Variants in SLF1 observed in about 807,000 individuals in gnomAD.
SLF1 encodes the protein SMC5/6 complex localization factor 1.
Under a neutral mutation model 123.0 loss-of-function variants are expected in SLF1, and 105 were observed. That is an observed-to-expected ratio of 0.85 (90% confidence interval 0.73 to 1.00). The LOEUF (loss-of-function observed/expected upper bound fraction) is 1.00, where lower values mean the gene tolerates loss of function less well. SLF1 is among the 50% of genes least tolerant of loss of function. SLF1 has a pLI of 0.00. For missense variants in SLF1, 1,239 were observed against 1,223.0 expected (o/e 1.01, Z -0.20); for synonymous variants, 434 against 406.6 (o/e 1.07, Z -0.81).
intron 5 of SLF1, among the ~76,000 whole-genome samples, chr5:94,647,639 C>A (rs1210911064): frequency 6.6e-6 from 1 of 152,128 alleles, no homozygotes; most frequent in East Asian, 1.9e-4. Flanking sequence ...AACACCTAAC[C>A]CATTGCCTAG....
At position 94,630,516 on chromosome 5, in the gene SLF1, A is replaced by G. The variant is rs1745088079; in HGVS notation, c.204A>G (p.Leu68=). 2 of 1,550,434 alleles carry G rather than the reference A, an allele frequency of 1.3e-6. No homozygotes were observed. Residue 68 remains leucine, a synonymous_variant, in exon 4 of 21, where the codon CTA becomes CTG. Coordinates refer to ENST00000265140, the MANE Select transcript of SLF1 (RefSeq NM_032290.4). ...TTTGCTTTCTAGGAAAGTGGATACT[A>G]ACCAAGGACTATATAATTCATAGTG... The part of the protein sequence containing the change: ...LAACAAGKWI[L]TKDYIIHSAK...
At chr5:94,693,533 T>C (rs1753258243) in intron 20 of SLF1, among the ~76,000 whole-genome samples, 1 of 151,964 alleles carries the variant, frequency 6.6e-6, no homozygotes, top group African/African-American at 2.4e-5. Context: ...GAAATCTAAT[T>C]GTTTTTGTTT....
intron 12 of SLF1, among the ~76,000 whole-genome samples, chr5:94,668,583 G>A (rs60812609): frequency 0.016 from 2,477 of 152,066 alleles, 70 homozygotes; most frequent in African/African-American, 0.055. Context: ...TGATCCACCC[G>A]CCTCCACTTC....
chr5:94,630,368 A>T (rs1585105062), intron 3 of SLF1, 135 bp from the exon 4 acceptor site: 1 of 1,023,514 alleles, frequency 9.8e-7, no homozygotes, highest in Non-Finnish European at 1.4e-6. Flanking sequence ...CAAAATGCAT[A>T]GTTCAAAGAT....
At position 94,686,541 on chromosome 5, in the gene SLF1, A is replaced by G. The variant is rs776994565; in HGVS notation, c.1976-32A>G. On this transcript the variant is annotated intron_variant, in intron 15 of 20. Transcript: ENST00000265140. ...GGAAAAAATTGTATAGGATACAGCA[A>G]TAACTATATTAACTTACCTTATGTT... The G allele has an allele frequency of 1.2e-5, 20 of 1,608,680 alleles. 1 individual carries two copies. In the Middle Eastern group the frequency reaches 9.9e-4, roughly 80 times the overall value.
intron 14 of SLF1, among the ~76,000 whole-genome samples, chr5:94,674,157 C>T (rs947524103): frequency 1.3e-5 from 2 of 151,880 alleles, no homozygotes; most frequent in Non-Finnish European, 2.9e-5. Context: ...CATTATAGAA[C>T]GTTTCTTTTT....
chr5:94,684,336 A>G (rs1333514356), intron 15 of SLF1, among the ~76,000 whole-genome samples: 1 of 152,198 alleles, frequency 6.6e-6, no homozygotes, highest in East Asian at 1.9e-4. Context: ...TTTAGATAAT[A>G]TTAACAGAGC....
chr5:94,643,321 A>G lies in SLF1; in HGVS notation c.480A>G (p.Pro160=). Residue 160 remains proline (P), a synonymous_variant, in exon 5 of 21, where the codon CCA becomes CCG. Transcript: ENST00000265140. The stretch of plus-strand genomic sequence containing the variant: ...ATGTTATTTTACCAAAAAGTTCACC[A>G]AGTGGAATAACTCATGTGATTGCCA... ...KANVILPKSS[P]SGITHVIASN... is the part of the protein sequence containing the mutation. 1.9e-6 allele frequency: 3 copies of G among 1,543,714 alleles called. No individual in the cohort carries two copies. The highest frequency in any genetic ancestry group is 2.6e-6 in the Non-Finnish European group (3 of 1,143,966).
intron 15 of SLF1, among the ~76,000 whole-genome samples, chr5:94,679,780 A>T (rs983596086): frequency 2.0e-5 from 3 of 152,154 alleles, no homozygotes; most frequent in Admixed American, 1.3e-4. Flanking sequence ...AAGGAGTGTT[A>T]TTTAAGAAAC....
At chr5:94,650,054 G>C (rs780483230) in intron 6 of SLF1, among the ~76,000 whole-genome samples, 4 of 152,084 alleles carry the variant, frequency 2.6e-5, no homozygotes, top group Admixed American at 1.3e-4. Context: ...TGAACTTGGA[G>C]CAATAAAAAG....
At chr5:94,627,391 T>G (rs1273221221) in intron 1 of SLF1, among the ~76,000 whole-genome samples, 1 of 151,944 alleles carries the variant, frequency 6.6e-6, no homozygotes, top group Non-Finnish European at 1.5e-5. Context: ...CAGTTCAACT[T>G]CATGTAAACA....
intron 1 of SLF1, among the ~76,000 whole-genome samples, chr5:94,628,565 A>G (rs912750350): frequency 9.8e-5 from 15 of 152,326 alleles, no homozygotes; most frequent in Admixed American, 9.8e-4. Context: ...ATTAATCCAG[A>G]CTTTCAATGT....
At chr5:94,620,295 A>G (rs1180670737) in intron 1 of SLF1, 1 of 152,242 alleles carries the variant, frequency 6.6e-6, no homozygotes, top group Non-Finnish European at 1.5e-5. Context: ...TCTGTTTTCT[A>G]AATCCAGATT....
chr5:94,656,150 A>G (rs1209945449), intron 9 of SLF1, among the ~76,000 whole-genome samples: 1 of 152,016 alleles, frequency 6.6e-6, no homozygotes, highest in African/African-American at 2.4e-5. Flanking sequence ...TTTCATCATG[A>G]AGGGATGTTG....
In SLF1 at chr5:94,694,703, G is replaced by A. The variant is rs540296876; in HGVS notation, c.2696-128G>A. 5 of 1,201,760 alleles carry A rather than the reference G, an allele frequency of 4.2e-6. No homozygotes were observed. The South Asian group carries it at 7.1e-5, about 17-fold the overall frequency. The allele number at this position is 1,201,760 out of a possible 1,614,324, so 74.4% of individuals were successfully genotyped here. On this transcript the variant is annotated intron_variant, in intron 20 of 20. Coordinates refer to ENST00000265140, the MANE Select transcript of SLF1 (RefSeq NM_032290.4). ...ATATATATAGTCAGTTAATTGTGTC[G>A]ACATGAATTAATACAAAATATGATT... is the stretch of plus-strand genomic sequence containing the variant.
intron 14 of SLF1, 140 bp from the exon 15 acceptor site, chr5:94,678,668 C>T (rs943344485): frequency 1.4e-6 from 1 of 691,190 alleles, no homozygotes; most frequent in African/African-American, 1.8e-5. Context: ...AGCTAGGGTT[C>T]TTAAGAATAC....
chr5:94,621,594 C>A (rs1446809219), intron 1 of SLF1, among the ~76,000 whole-genome samples: 1 of 152,136 alleles, frequency 6.6e-6, no homozygotes, highest in Non-Finnish European at 1.5e-5. Flanking sequence ...CTGAACCTTT[C>A]CTCTCTTGAC....
rs1585187410 is a variant in SLF1, at chr5:94,667,106, T to C, written c.1532+1082T>C. 2.6e-5 allele frequency among the ~76,000 whole-genome samples: 4 copies of C among 152,280 alleles called. No homozygotes were observed. In the South Asian group the frequency reaches 8.3e-4, roughly 32 times the overall value. ...CATACCATCTTGGTTGTGATATATT[T>C]AAAGTGAGCTAATCAGTTAACCAGC... On this transcript the variant is annotated intron_variant, in intron 12 of 20. Transcript: ENST00000265140.
chr5:94,664,628 G>C (rs1749535732), intron 11 of SLF1, among the ~76,000 whole-genome samples: 1 of 152,176 alleles, frequency 6.6e-6, no homozygotes, highest in Non-Finnish European at 1.5e-5. Context: ...TGTCAGGTAT[G>C]TTATGTTGGT....
Sources: gnomAD v4.1 joint callset for allele counts (sites outside exome capture counted in the v4.1 genomes callset) on GRCh38, gnomAD v4.1.1 for gene constraint, MANE v1.5 for transcripts, NCBI Gene and HGNC (gene_info 2026-07-23, HGNC 2026-07-21) for gene names.